IPO11: variants seen among roughly 807,000 people sequenced by gnomAD.
IPO11 encodes importin-11.
IPO11 carries 66 observed loss-of-function variants against 143.2 expected under a neutral mutation model. That is an observed-to-expected ratio of 0.46 (90% confidence interval 0.38 to 0.57). The LOEUF (loss-of-function observed/expected upper bound fraction) is 0.57, where lower values mean the gene tolerates loss of function less well. Ranked by LOEUF, IPO11 falls within the 20% of genes least tolerant of loss-of-function variation. The pLI is 0.00. For missense variants in IPO11, 1,026 were observed against 1,141.0 expected (o/e 0.90, Z 1.45); for synonymous variants, 385 against 377.8 (o/e 1.02, Z -0.22).
At chr5:62,422,935 T>A (rs1316092148) in intron 1 of IPO11, among the ~76,000 whole-genome samples, 1 of 152,150 alleles carries the variant, frequency 6.6e-6, no homozygotes. Context: ...TTTGCAGGTG[T>A]TCAGTATATA....
At position 62,484,029 on chromosome 5, in the gene IPO11, T is replaced by A; in HGVS notation, c.1041T>A (p.Leu347=). ...KNFEDSSPET[L]EAHKIKMAFF... is the part of the protein sequence containing the mutation. ...TTCTAGATAGCAGCCCTGAAACTCT[T>A]GAAGCCCATAAGATTAAGATGGCAT... is the stretch of plus-strand genomic sequence containing the variant. The change falls in exon 11 of 30, where the codon CTT becomes CTA. Residue 347 remains leucine (L), a synonymous_variant. Coordinates refer to ENST00000325324, the MANE Select transcript of IPO11 (RefSeq NM_016338.5). The A allele has an allele frequency of 6.2e-7, 1 of 1,605,842 alleles. No individual in the cohort carries two copies. The highest frequency in any genetic ancestry group is 8.5e-7 in the Non-Finnish European group (1 of 1,177,558).
intron 27 of IPO11, among the ~76,000 whole-genome samples, chr5:62,567,243 C>G (rs912538943): frequency 6.6e-6 from 1 of 152,090 alleles, no homozygotes; most frequent in Non-Finnish European, 1.5e-5. Flanking sequence ...CATGTCATCC[C>G]TCCTGGCCTG....
At position 62,437,410 on chromosome 5, in the gene IPO11, TG is replaced by T; in HGVS notation, c.132del (p.Leu45CysfsTer2). On this transcript the variant is annotated frameshift_variant, in exon 2 of 30. Coordinates refer to ENST00000325324, the MANE Select transcript of IPO11 (RefSeq NM_016338.5). LOFTEE classifies it high-confidence loss of function. ...QWETQPGFYS[V>X]LLNIFTNHTL... ...GAGACACAGCCAGGTTTCTATTCAG[TG>T]TTGCTGGTAAGTTGTTCTAAAATTG... The T allele has an allele frequency of 6.2e-7, 1 of 1,603,372 alleles. No homozygotes were observed. The highest frequency in any genetic ancestry group is 8.5e-7 in the Non-Finnish European group (1 of 1,176,234).
At chr5:62,499,114 A>G (rs1741254357) in intron 16 of IPO11, among the ~76,000 whole-genome samples, 1 of 152,186 alleles carries the variant, frequency 6.6e-6, no homozygotes, top group Admixed American at 6.5e-5. Context: ...ACATATAGTC[A>G]TGTGCTGTTT....
chr5:62,586,610 G>T (rs1006487354), intron 27 of IPO11, among the ~76,000 whole-genome samples: 11 of 151,440 alleles, frequency 7.3e-5, no homozygotes, highest in Non-Finnish European at 1.5e-4. Flanking sequence ...AATTAGCTGA[G>T]CATGGTGGCA....
chr5:62,563,934 A>G (rs1743852692), intron 27 of IPO11, among the ~76,000 whole-genome samples: 1 of 152,174 alleles, frequency 6.6e-6, no homozygotes, highest in African/African-American at 2.4e-5. Flanking sequence ...AAATTCTCTT[A>G]AACACTGGAA....
intron 2 of IPO11, among the ~76,000 whole-genome samples, chr5:62,439,959 A>G (rs978317520): frequency 6.6e-5 from 10 of 152,206 alleles, no homozygotes; most frequent in Non-Finnish European, 1.2e-4. Context: ...CTGCAGCTTG[A>G]CTTTTCTTAT....
At chr5:62,624,340 T>A (rs1746482397) in intron 29 of IPO11, among the ~76,000 whole-genome samples, 1 of 152,164 alleles carries the variant, frequency 6.6e-6, no homozygotes, top group Admixed American at 6.5e-5. Flanking sequence ...AGCCAGTTCC[T>A]CCCCTTTTTA....
intron 19 of IPO11, 83 bp from the exon 20 acceptor site, chr5:62,515,305 A>G (rs904032341): frequency 2.3e-5 from 18 of 791,468 alleles, no homozygotes; most frequent in Non-Finnish European, 3.3e-5. Flanking sequence ...TCTGGGACTT[A>G]ATAGTGCTCT....
At chr5:62,535,551 T>A (rs1381813238) in intron 22 of IPO11, among the ~76,000 whole-genome samples, 1 of 152,208 alleles carries the variant, frequency 6.6e-6, no homozygotes, top group Non-Finnish European at 1.5e-5. Flanking sequence ...TTTGGTTTTT[T>A]TATGTCTTTT....
intron 27 of IPO11, among the ~76,000 whole-genome samples, chr5:62,565,648 G>C (rs1030791922): frequency 3.3e-5 from 5 of 151,992 alleles, no homozygotes; most frequent in African/African-American, 1.2e-4. Flanking sequence ...AATTGTTGTG[G>C]TCATTTTTCT....
intron 13 of IPO11, 139 bp from the exon 14 acceptor site, chr5:62,489,163 T>C (rs1283126016): frequency 6.2e-6 from 3 of 481,842 alleles, no homozygotes; most frequent in Non-Finnish European, 1.1e-5. Context: ...CCCTTTGTAC[T>C]TGTGTCCATT....
intron 27 of IPO11, among the ~76,000 whole-genome samples, chr5:62,585,369 A>G (rs889177846): frequency 6.6e-6 from 1 of 152,108 alleles, no homozygotes; most frequent in East Asian, 1.9e-4. Context: ...TTGTTGTTGT[A>G]TTTGTAGTCT....
At chr5:62,421,511 G>T (rs748990967) in intron 1 of IPO11, among the ~76,000 whole-genome samples, 5 of 152,146 alleles carry the variant, frequency 3.3e-5, no homozygotes, top group African/African-American at 4.8e-5. Context: ...TTAATCTTTC[G>T]GGAGTACTGG....
At chr5:62,495,507 C>CT (rs1268474562) in intron 16 of IPO11, among the ~76,000 whole-genome samples, 1 of 152,100 alleles carries the variant, frequency 6.6e-6, no homozygotes, top group African/African-American at 2.4e-5. Context: ...CTGAGTCTCT[C>CT]TTTTTTGCCT....
intron 28 of IPO11, among the ~76,000 whole-genome samples, chr5:62,598,387 G>T (rs76555663): frequency 0.75 from 26,991 of 35,972 alleles, 9,934 homozygotes; most frequent in African/African-American, 0.87. Flanking sequence ...TTGCTTGCTT[G>T]CTTGCTTTCT....
intron 28 of IPO11, among the ~76,000 whole-genome samples, chr5:62,597,219 A>T (rs1745261610): frequency 6.6e-6 from 1 of 152,226 alleles, no homozygotes; most frequent in Non-Finnish European, 1.5e-5. Context: ...TGGCATCAGG[A>T]TATAAAACTT....
At chr5:62,428,304 C>G (rs1378194162) in intron 1 of IPO11, among the ~76,000 whole-genome samples, 1 of 151,972 alleles carries the variant, frequency 6.6e-6, no homozygotes. Flanking sequence ...TGCTGAGATT[C>G]AGGTGTGAGC....
intron 29 of IPO11, among the ~76,000 whole-genome samples, chr5:62,614,080 A>C (rs915399089): frequency 6.6e-6 from 1 of 152,242 alleles, no homozygotes; most frequent in African/African-American, 2.4e-5. Flanking sequence ...GTGTGTGAAC[A>C]TCATATTAAT....
Sources: allele counts gnomAD v4.1 joint callset (sites outside exome capture counted in the v4.1 genomes callset), GRCh38; gene constraint gnomAD v4.1.1; transcripts MANE v1.5; gene names NCBI Gene and HGNC (gene_info 2026-07-23, HGNC 2026-07-21).